Variants in MBD5 observed in about 807,000 individuals in gnomAD.
MBD5 encodes the protein methyl-CpG binding domain protein 5.
MBD5 carries 13 observed loss-of-function variants against 117.3 expected under a neutral mutation model. The ratio of observed to expected loss-of-function variants is 0.11; its 90% confidence interval spans 0.07 to 0.18. The LOEUF (loss-of-function observed/expected upper bound fraction) is 0.18. Ranked by LOEUF, MBD5 falls within the 10% of genes least tolerant of loss-of-function variation. The pLI is 1.00. For synonymous variants in MBD5, 727 were observed against 766.4 expected (o/e 0.95, Z 0.85); for missense variants, 1,879 against 2,093.8 (o/e 0.90, Z 2.00).
chr2:148,168,052 G>A (rs1698170935), intron 1 of MBD5, among the ~76,000 whole-genome samples: 1 of 152,104 alleles, frequency 6.6e-6, no homozygotes, highest in African/African-American at 2.4e-5. Flanking sequence ...ATCCGAAAGG[G>A]GGCAGTACAA....
chr2:148,173,203 C>T (rs917952730), intron 1 of MBD5, among the ~76,000 whole-genome samples: 60 of 152,146 alleles, frequency 3.9e-4, no homozygotes, highest in Non-Finnish European at 4.9e-4. Context: ...CCAGGGGGCT[C>T]CTTGAGCCAG....
intron 3 of MBD5, among the ~76,000 whole-genome samples, chr2:148,242,240 G>A (rs1700230126): frequency 6.6e-6 from 1 of 151,866 alleles, no homozygotes; most frequent in Admixed American, 6.6e-5. Context: ...TATTCTATAA[G>A]GTTGGAAGGT....
At chr2:148,153,446 T>C (rs1697753697) in intron 1 of MBD5, among the ~76,000 whole-genome samples, 1 of 128,378 alleles carries the variant, frequency 7.8e-6, no homozygotes, top group African/African-American at 2.9e-5. Context: ...AGGAGTATCT[T>C]TGTGGCGTTC....
Position 148,424,177 on chromosome 2 carries a change from C to CAAAA in MBD5, c.-556-33990_-556-33987dup, listed in dbSNP as rs56740583. ...TGGGCAACAGAGCAAGACTCTGTCTCAAAAAAAAAAAAAAAAAAAAAAAAA... is the reference window on the plus strand; with the variant it reads ...TGGGCAACAGAGCAAGACTCTGTCTCAAAAAAAAAAAAAAAAAAAAAAAAAAAAA... On this transcript the variant is annotated intron_variant, in intron 4 of 13. Coordinates refer to ENST00000642680, the MANE Select transcript of MBD5 (RefSeq NM_001378120.1). 5.4e-4 allele frequency among the ~76,000 whole-genome samples: 29 copies of CAAAA among 53,446 alleles called. 3 individuals are homozygous for CAAAA. Among genetic ancestry groups the CAAAA allele is most frequent in the East Asian group, 1.3e-3 (1 of 756 alleles). 35.1% of individuals were successfully genotyped at this position (53,446 alleles called of 152,430 possible).
At chr2:148,040,727 T>G (rs1057084288) in intron 1 of MBD5, among the ~76,000 whole-genome samples, 2 of 152,180 alleles carry the variant, frequency 1.3e-5, no homozygotes, top group African/African-American at 4.8e-5. Context: ...GTTAAACATA[T>G]TATGGCAGTA....
intron 4 of MBD5, among the ~76,000 whole-genome samples, chr2:148,410,769 T>G (rs1296873792): frequency 6.6e-6 from 1 of 152,228 alleles, no homozygotes; most frequent in Non-Finnish European, 1.5e-5. Context: ...ATATTTTGAC[T>G]CTTGAATATG....
At chr2:148,298,434 C>T (rs1440477435) in intron 3 of MBD5, among the ~76,000 whole-genome samples, 5 of 152,196 alleles carry the variant, frequency 3.3e-5, no homozygotes, top group Non-Finnish European at 7.3e-5. Context: ...ACTCAAGTGC[C>T]AGTGACTCTC....
chr2:148,412,955 C>T (rs1005342880), intron 4 of MBD5, among the ~76,000 whole-genome samples: 1 of 152,002 alleles, frequency 6.6e-6, no homozygotes, highest in Non-Finnish European at 1.5e-5. Flanking sequence ...TTATTTCTTT[C>T]TCTTGCCTGA....
At chr2:148,279,928 C>T (rs975986188) in intron 3 of MBD5, among the ~76,000 whole-genome samples, 4 of 151,950 alleles carry the variant, frequency 2.6e-5, no homozygotes, top group African/African-American at 9.7e-5. Flanking sequence ...GGACTAGAGG[C>T]ACATACCACC....
chr2:148,207,609 A>T (rs148810092), intron 2 of MBD5, among the ~76,000 whole-genome samples: 2,352 of 152,082 alleles, frequency 0.015, 26 homozygotes, highest in African/African-American at 0.021. Context: ...AAAAGTCAGG[A>T]ACATTGCAAA....
intron 1 of MBD5, among the ~76,000 whole-genome samples, chr2:148,052,410 G>A (rs1327528150): frequency 6.6e-6 from 1 of 151,794 alleles, no homozygotes; most frequent in Non-Finnish European, 1.5e-5. Flanking sequence ...GGGTTTCTCT[G>A]TGTTGGTCAG....
At chr2:148,258,929 T>A (rs1558994666) in intron 3 of MBD5, among the ~76,000 whole-genome samples, 1 of 152,128 alleles carries the variant, frequency 6.6e-6, no homozygotes. Context: ...GGTCACTTCA[T>A]GTATGTGTCA....
At chr2:148,317,663 A>C (rs898590717) in intron 3 of MBD5, among the ~76,000 whole-genome samples, 1 of 151,572 alleles carries the variant, frequency 6.6e-6, no homozygotes, top group African/African-American at 2.4e-5. Flanking sequence ...CTGTATGTCC[A>C]AGTGTTTCCG....
At chr2:148,181,848 C>A (rs1041321954) in intron 2 of MBD5, among the ~76,000 whole-genome samples, 1 of 152,014 alleles carries the variant, frequency 6.6e-6, no homozygotes, top group Admixed American at 6.5e-5. Flanking sequence ...AAAATATTTT[C>A]TTGATGTTTA....
chr2:148,096,782 T>C (rs1372044693), intron 1 of MBD5, among the ~76,000 whole-genome samples: 1 of 152,202 alleles, frequency 6.6e-6, no homozygotes, highest in Non-Finnish European at 1.5e-5. Context: ...ACCCTTTGTT[T>C]TGAAATTGAT....
At chr2:148,103,000 C>G (rs959649359) in intron 1 of MBD5, among the ~76,000 whole-genome samples, 1 of 151,738 alleles carries the variant, frequency 6.6e-6, no homozygotes, top group Admixed American at 6.6e-5. Flanking sequence ...TTCTAACTCA[C>G]CAAGAAAAGA....
chr2:148,381,165 A>T (rs1704131115), intron 4 of MBD5, among the ~76,000 whole-genome samples: 1 of 152,062 alleles, frequency 6.6e-6, no homozygotes, highest in Non-Finnish European at 1.5e-5. Flanking sequence ...AGATCAAACT[A>T]CTCTGAGCTA....
At chr2:148,213,254 C>T (rs1699474740) in intron 2 of MBD5, among the ~76,000 whole-genome samples, 1 of 151,774 alleles carries the variant, frequency 6.6e-6, no homozygotes, top group Non-Finnish European at 1.5e-5. Context: ...GGAGGTAAAC[C>T]TTAAGATTTT....
At chr2:148,489,306 A>T in intron 10 of MBD5, 80 bp from the exon 11 acceptor site, 1 of 1,551,038 alleles carries the variant, frequency 6.4e-7, no homozygotes, top group Non-Finnish European at 8.8e-7. Context: ...CTTTTGGTAA[A>T]TTTTAAAATT....
Sources: allele counts gnomAD v4.1 joint callset (sites outside exome capture counted in the v4.1 genomes callset), GRCh38; gene constraint gnomAD v4.1.1; transcripts MANE v1.5; gene names NCBI Gene and HGNC (gene_info 2026-07-23, HGNC 2026-07-21).